DACH1: variants seen among roughly 807,000 people sequenced by gnomAD.
The protein encoded by DACH1 is dachshund family transcription factor 1.
In DACH1, 12 loss-of-function variants were observed where a neutral mutation model predicts 54.2. The ratio of observed to expected loss-of-function variants is 0.22; its 90% CI spans 0.14 to 0.36. The LOEUF (loss-of-function observed/expected upper bound fraction) is 0.36, where lower values mean the gene tolerates loss of function less well. DACH1 is among the 10% of genes least tolerant of loss of function. The pLI is 1.00. For synonymous variants in DACH1, 386 were observed against 366.2 expected, an observed-to-expected ratio of 1.05 and a Z score of -0.62; for missense variants, 805 against 929.8, an observed-to-expected ratio of 0.87 and a Z score of 1.75.
intron 10 of DACH1, among the ~76,000 whole-genome samples, chr13:71,453,918 G>A (rs1436284517): frequency 1.3e-5 from 2 of 152,070 alleles, no homozygotes; most frequent in African/African-American, 4.8e-5. Flanking sequence ...ATCATTAACT[G>A]ATATTTAGAC....
At position 71,439,401 on chromosome 13, in the gene DACH1, C is replaced by T. The variant is rs992233638; in HGVS notation, c.*1254G>A. On this transcript the variant is annotated 3_prime_UTR_variant, in exon 11 of 11. Transcript: ENST00000613252. ...TGAAAATAACACATAGCCACCCTTC[C>T]CTCTGACAAGGGTGGGAAGCACAGC... 6.6e-6 allele frequency: 1 copy of T among 152,444 alleles called. No homozygotes were observed. Among genetic ancestry groups the T allele is most frequent in the African/African-American group, 2.4e-5 (1 of 41,442 alleles). 9.4% of individuals were successfully genotyped at this position (152,444 alleles called of 1,614,324 possible).
chr13:71,728,489 G>A (rs1883583097), intron 1 of DACH1, among the ~76,000 whole-genome samples: 1 of 151,850 alleles, frequency 6.6e-6, no homozygotes, highest in South Asian at 2.1e-4. Context: ...CAAAAACTGT[G>A]CCTCTAAAGA....
intron 1 of DACH1, among the ~76,000 whole-genome samples, chr13:71,748,892 T>TCTCTCTC (rs1566476816): frequency 1.9e-5 from 2 of 104,432 alleles, no homozygotes; most frequent in Non-Finnish European, 3.3e-5. Flanking sequence ...CTTTCTTTCT[T>TCTCTCTC]TCTTTCTCTT....
chr13:71,632,811 G>A (rs1462862997), intron 2 of DACH1, among the ~76,000 whole-genome samples: 1 of 151,944 alleles, frequency 6.6e-6, no homozygotes, highest in African/African-American at 2.4e-5. Context: ...AATCCATCTG[G>A]GTTTGATCTG....
chr13:71,440,819 C>T, intron 10 of DACH1, 127 bp from the exon 11 acceptor site: 1 of 666,158 alleles, frequency 1.5e-6, no homozygotes, highest in Non-Finnish European at 2.5e-6. Flanking sequence ...TAAGAAGTAA[C>T]ATTTTTCATA....
At chr13:71,827,883 G>A (rs1008052511) in intron 1 of DACH1, among the ~76,000 whole-genome samples, 1 of 151,968 alleles carries the variant, frequency 6.6e-6, no homozygotes, top group African/African-American at 2.4e-5. Context: ...TTGAAAACCA[G>A]CGACTGAATT....
intron 1 of DACH1, among the ~76,000 whole-genome samples, chr13:71,698,246 A>G (rs1318708852): frequency 1.3e-5 from 2 of 152,124 alleles, no homozygotes; most frequent in African/African-American, 4.8e-5. Flanking sequence ...AATAAATGGC[A>G]AATGCATATG....
At chr13:71,672,296 T>C (rs1284521376) in intron 2 of DACH1, among the ~76,000 whole-genome samples, 2 of 152,290 alleles carry the variant, frequency 1.3e-5, no homozygotes, top group Non-Finnish European at 2.9e-5. Context: ...CTTAAGTTAA[T>C]GAATAAGTAG....
rs199543553 is a variant in DACH1 at position 71,469,466 on chromosome 13, T to C, written c.2083+5675A>G. On this transcript the variant is annotated intron_variant, in intron 10 of 10. Transcript: ENST00000613252. ...ACAAATAACAACAACAATAATAATA[T>C]ATTGTAAAAGAGTAAGAAGGGAATA... Among the ~76,000 whole-genome samples the C allele has an allele frequency of 1.7e-4, 26 of 152,150 alleles. No individual in the cohort carries two copies. In the East Asian group the frequency reaches 3.5e-3, roughly 20 times the overall value.
intron 1 of DACH1, among the ~76,000 whole-genome samples, chr13:71,746,568 C>A (rs188032357): frequency 6.6e-6 from 1 of 152,172 alleles, no homozygotes; most frequent in Non-Finnish European, 1.5e-5. Flanking sequence ...TCCTCTTATA[C>A]CCCCAGAGCA....
chr13:71,774,581 A>G (rs1336828106), intron 1 of DACH1, among the ~76,000 whole-genome samples: 3 of 152,096 alleles, frequency 2.0e-5, no homozygotes, highest in Non-Finnish European at 4.4e-5. Flanking sequence ...CAACCCTTTG[A>G]GGAAGTCATT....
intron 3 of DACH1, among the ~76,000 whole-genome samples, chr13:71,602,552 T>C (rs1053503717): frequency 5.9e-5 from 9 of 152,108 alleles, no homozygotes; most frequent in Non-Finnish European, 8.8e-5. Context: ...TGGTGAAATA[T>C]AGAGCTAATT....
chr13:71,779,210 T>TATACAC (rs1886235401), intron 1 of DACH1, among the ~76,000 whole-genome samples: 1 of 104,554 alleles, frequency 9.6e-6, no homozygotes, highest in Non-Finnish European at 1.8e-5. Context: ...TATATGTGTA[T>TATACAC]ATATATACGT....
intron 6 of DACH1, among the ~76,000 whole-genome samples, chr13:71,495,891 A>G (rs1462187203): frequency 6.6e-6 from 1 of 152,082 alleles, no homozygotes; most frequent in Non-Finnish European, 1.5e-5. Context: ...CACAGTGGCA[A>G]AAATATAAAA....
At chr13:71,662,221 G>T (rs935993127) in intron 2 of DACH1, among the ~76,000 whole-genome samples, 9 of 152,000 alleles carry the variant, frequency 5.9e-5, no homozygotes, top group African/African-American at 2.2e-4. Context: ...GTACACAGAG[G>T]TTTTGTTCCC....
chr13:71,490,265 T>C lies in DACH1; in HGVS notation c.1571-1117A>G, dbSNP rs117108241. 3.0e-3 allele frequency among the ~76,000 whole-genome samples: 453 copies of C among 152,324 alleles called. 4 individuals are homozygous for C. Among genetic ancestry groups the C allele is most frequent in the South Asian group, 6.2e-3 (30 of 4,832 alleles). ...TCCTCAATCATTCTTTTATTTTTCA[T>C]TACACCATCTAACCACACAACACGT... On this transcript the variant is annotated intron_variant, in intron 6 of 10. Transcript: ENST00000613252.
At chr13:71,541,603 T>A (rs773918978) in intron 6 of DACH1, among the ~76,000 whole-genome samples, 20 of 152,120 alleles carry the variant, frequency 1.3e-4, no homozygotes, top group Non-Finnish European at 2.2e-4. Context: ...TTTCCATATA[T>A]AAGTTCATTT....
chr13:71,634,562 T>C (rs1755511109), intron 2 of DACH1, among the ~76,000 whole-genome samples: 1 of 152,212 alleles, frequency 6.6e-6, no homozygotes, highest in Non-Finnish European at 1.5e-5. Flanking sequence ...CTTCATGTCA[T>C]CACTTAAATA....
At chr13:71,629,374 C>T (rs1444600594) in intron 3 of DACH1, among the ~76,000 whole-genome samples, 2 of 152,130 alleles carry the variant, frequency 1.3e-5, no homozygotes, top group Non-Finnish European at 2.9e-5. Context: ...AAATCCACTA[C>T]TGCTGGTCCT....
Sources: allele counts gnomAD v4.1 joint callset (sites outside exome capture counted in the v4.1 genomes callset), GRCh38; gene constraint gnomAD v4.1.1; transcripts MANE v1.5; gene names NCBI Gene and HGNC (gene_info 2026-07-23, HGNC 2026-07-21).